The following KLRG2 variants were observed in gnomAD, a reference collection of about 807,000 sequenced individuals.
KLRG2 encodes killer cell lectin like receptor G2.
KLRG2 carries 39 observed loss-of-function variants against 35.4 expected under a neutral mutation model. The ratio of observed to expected loss-of-function variants is 1.10; its 90% CI spans 0.85 to 1.44. The LOEUF (loss-of-function observed/expected upper bound fraction) is 1.44, where lower values mean the gene tolerates loss of function less well. Among genes scored for constraint, KLRG2 ranks in the 40% most tolerant of loss-of-function variants. The pLI, the probability that KLRG2 is intolerant of heterozygous loss-of-function variation, is 0.00. For missense variants in KLRG2, 632 were observed against 570.9 expected, an observed-to-expected ratio of 1.11 and a Z score of -1.09; for synonymous variants, 283 against 265.8, an observed-to-expected ratio of 1.06 and a Z score of -0.63.
chr7:139,437,447 AAAAAAT>A, the KLRG2 span, among the ~76,000 whole-genome samples: 10 of 138,182 alleles, frequency 7.2e-5, no homozygotes, highest in African/African-American at 2.9e-4. Context: ...AAAAAAAAAA[AAAAAAT>A]TCATCATTAG....
At position 139,454,325 on chromosome 7, in the gene KLRG2, T is replaced by C; in HGVS notation, c.1006-111A>G. 5 of 668,644 alleles carry C rather than the reference T, an allele frequency of 7.5e-6. No individual in the cohort carries two copies. The South Asian group carries it at 8.3e-5, about 11-fold the overall frequency. 41.4% of individuals were successfully genotyped at this position (668,644 alleles called of 1,614,324 possible). ...ATCCCAGCTGGCCAATCCAGAAGGA[T>C]CTGCTCAAGCCAGCACTTGCAGAAC... On this transcript the variant is annotated intron_variant, in intron 3 of 4. Coordinates refer to ENST00000340940, the MANE Select transcript of KLRG2 (RefSeq NM_198508.4).
chr7:139,453,647 C>A lies in KLRG2; in HGVS notation c.1170G>T (p.Thr390=), dbSNP rs151265889. Residue 390 remains threonine, a synonymous_variant, in exon 5 of 5, where the codon ACG becomes ACT. Coordinates refer to ENST00000340940, the MANE Select transcript of KLRG2 (RefSeq NM_198508.4). ...GAGTGCTGCAGTTTGCAGCCACCAG[C>A]GTGCCTTCCTCCAGGGCCCCACAGT... The part of the protein sequence containing the change: ...DINCGALEEG[T]LVAANCSTPR... 6.2e-7 allele frequency: 1 copy of A among 1,613,906 alleles called. No individual in the cohort carries two copies. Among genetic ancestry groups the A allele is most frequent in the Admixed American group, 1.7e-5 (1 of 59,976 alleles).
At chr7:139,429,866 C>T in the KLRG2 span, among the ~76,000 whole-genome samples, 509 of 152,180 alleles carry the variant, frequency 3.3e-3, 6 homozygotes, top group East Asian at 0.023. Context: ...CATCATGGCC[C>T]GTTCTCAATG....
the KLRG2 span, among the ~76,000 whole-genome samples, chr7:139,430,023 ACT>A: frequency 2.6e-5 from 4 of 152,122 alleles, no homozygotes; most frequent in African/African-American, 7.2e-5. Flanking sequence ...ATCTCTAAAC[ACT>A]CTGAATCAGA....
intron 3 of KLRG2, among the ~76,000 whole-genome samples, chr7:139,474,099 C>G (rs1283561094): frequency 6.6e-6 from 1 of 151,632 alleles, no homozygotes; most frequent in Non-Finnish European, 1.5e-5. Context: ...GCTCTGCCAC[C>G]TCCACCTCCT....
At chr7:139,440,383 G>A in the KLRG2 span, among the ~76,000 whole-genome samples, 1 of 131,076 alleles carries the variant, frequency 7.6e-6, no homozygotes, top group Non-Finnish European at 1.6e-5. Flanking sequence ...AAAGTGTTGG[G>A]ATTACAGGTG....
rs1180419385 is a variant in KLRG2 at position 139,483,248 on chromosome 7, G to T, written c.395C>A (p.Pro132His). 11 of 1,553,570 alleles carry T rather than the reference G, an allele frequency of 7.1e-6. No individual in the cohort carries two copies. The East Asian group carries it at 2.5e-4, about 35-fold the overall frequency. ...GCTGCTGCCACCGGCCGCGCCCACGGGCTTCACGCGCACATCTACCTGCAG... is the reference window on the plus strand; with the variant it reads ...GCTGCTGCCACCGGCCGCGCCCACGTGCTTCACGCGCACATCTACCTGCAG... ...MELQVDVRVK[P>H]VGAAGGSSTP... Residue 132 changes from proline (P) to histidine (H), a missense_variant, in exon 1 of 5, where the codon CCC (proline) becomes CAC (histidine). Physicochemically the swap from Pro to His is moderately conservative, Grantham distance 77 (BLOSUM62 -2). Coordinates refer to ENST00000340940, the MANE Select transcript of KLRG2 (RefSeq NM_198508.4).
intron 3 of KLRG2, among the ~76,000 whole-genome samples, chr7:139,467,374 A>T (rs757972471): frequency 6.6e-6 from 1 of 152,228 alleles, no homozygotes; most frequent in Non-Finnish European, 1.5e-5. Context: ...GAAGTGAAGA[A>T]CCACAAAAGA....
At chr7:139,442,924 G>GA in the KLRG2 span, among the ~76,000 whole-genome samples, 4 of 151,584 alleles carry the variant, frequency 2.6e-5, no homozygotes, top group Admixed American at 6.6e-5. Context: ...AAGAGCAAGA[G>GA]AAAAAACGAT....
chr7:139,477,864 T>C (rs1412621375), intron 3 of KLRG2, among the ~76,000 whole-genome samples: 1 of 152,058 alleles, frequency 6.6e-6, no homozygotes, highest in East Asian at 1.9e-4. Context: ...GTTCATGCCA[T>C]TCTCCTGCCT....
intron 3 of KLRG2, among the ~76,000 whole-genome samples, chr7:139,478,954 G>C (rs1165277842): frequency 6.6e-6 from 1 of 152,060 alleles, no homozygotes; most frequent in East Asian, 1.9e-4. Flanking sequence ...GCTGTGCGCA[G>C]TGGCTCATGG....
At chr7:139,434,533 C>T in the KLRG2 span, among the ~76,000 whole-genome samples, 1 of 152,198 alleles carries the variant, frequency 6.6e-6, no homozygotes, top group Non-Finnish European at 1.5e-5. Context: ...TCCTTGTGGC[C>T]TTCTGAGCCT....
chr7:139,475,563 G>C (rs545715857), intron 3 of KLRG2, among the ~76,000 whole-genome samples: 1 of 151,574 alleles, frequency 6.6e-6, no homozygotes. Context: ...CCCCGTGCTG[G>C]GGGGGTGGCG....
chr7:139,454,175 C>T lies in KLRG2; in HGVS notation c.1045G>A (p.Val349Met), dbSNP rs781229432. Residue 349 changes from valine to methionine, a missense_variant, in exon 4 of 5, where the codon GTG (valine) becomes ATG (methionine). Coordinates refer to ENST00000340940, the MANE Select transcript of KLRG2 (RefSeq NM_198508.4). ...CCCTGGGGGCCTCGCCAGGCCCCCA[C>T]CCAGGAGTGCCTGGAGACTGGGTAT... ...GRYPVSRHSW[V>M]GAWRGPQGWH... The T allele has an allele frequency of 3.2e-5, 49 of 1,545,588 alleles. No homozygotes were observed. The highest frequency in any genetic ancestry group is 3.9e-5 in the Non-Finnish European group (45 of 1,143,284).
the KLRG2 span, among the ~76,000 whole-genome samples, chr7:139,427,807 GGAAT>G: frequency 6.6e-6 from 1 of 152,134 alleles, no homozygotes; most frequent in African/African-American, 2.4e-5. Flanking sequence ...CGATGAATGT[GGAAT>G]GAATGAATGA....
intron 3 of KLRG2, among the ~76,000 whole-genome samples, chr7:139,462,938 G>T (rs1484224197): frequency 1.3e-5 from 2 of 152,072 alleles, no homozygotes; most frequent in Non-Finnish European, 2.9e-5. Context: ...TCCTCACCAG[G>T]CCTAGCCAGG....
chr7:139,436,076 AT>A, the KLRG2 span, among the ~76,000 whole-genome samples: 1 of 151,640 alleles, frequency 6.6e-6, no homozygotes, highest in East Asian at 1.9e-4. Context: ...TAATTTGTGT[AT>A]TTTTTAGTAG....
the KLRG2 span, among the ~76,000 whole-genome samples, chr7:139,430,827 G>T: frequency 6.6e-6 from 1 of 152,024 alleles, no homozygotes; most frequent in Non-Finnish European, 1.5e-5. Flanking sequence ...TGGCCAACAT[G>T]GTGAAACCCT....
intron 3 of KLRG2, among the ~76,000 whole-genome samples, chr7:139,458,923 T>C (rs1268366249): frequency 6.6e-6 from 1 of 152,224 alleles, no homozygotes; most frequent in Non-Finnish European, 1.5e-5. Context: ...TCTGCGTGTG[T>C]GTCCTGTCCT....
Sources: gnomAD v4.1 joint callset for allele counts (sites outside exome capture counted in the v4.1 genomes callset) on GRCh38, gnomAD v4.1.1 for gene constraint, MANE v1.5 for transcripts, NCBI Gene and HGNC (gene_info 2026-07-23, HGNC 2026-07-21) for gene names.